Variants in SLC67A2 observed in about 807,000 individuals in gnomAD.
SLC67A2 encodes the protein solute carrier family 67 member A2.
the SLC67A2 span, among the ~76,000 whole-genome samples, chr2:102,733,442 A>G: frequency 1.3e-5 from 2 of 152,160 alleles, no homozygotes; most frequent in Non-Finnish European, 2.9e-5. Flanking sequence ...AGATACATAA[A>G]TTTCCACATA....
At chr2:102,722,979 C>T in the SLC67A2 span, among the ~76,000 whole-genome samples, 1 of 152,094 alleles carries the variant, frequency 6.6e-6, no homozygotes, top group East Asian at 1.9e-4. Flanking sequence ...CAAAAAAACA[C>T]CAAGTTTAAA....
At chr2:102,720,266 G>A in the SLC67A2 span, among the ~76,000 whole-genome samples, 1,639 of 152,134 alleles carry the variant, frequency 0.011, 33 homozygotes, top group African/African-American at 0.038. Flanking sequence ...AATTTACAAC[G>A]GAAAACCAAC....
chr2:102,736,682 G>A, the SLC67A2 span: 1 of 1,613,626 alleles, frequency 6.2e-7, no homozygotes, highest in African/African-American at 1.3e-5. Context: ...GCAGGAAGCG[G>A]CGGGCTCCGA....
the SLC67A2 span, chr2:102,723,663 A>AT: frequency 2.0e-5 from 32 of 1,583,592 alleles, no homozygotes; most frequent in African/African-American, 2.4e-4. Context: ...GGTCAGTATG[A>AT]ATACACAAAA....
At chr2:102,736,421 G>A in the SLC67A2 span, 25 of 1,250,670 alleles carry the variant, frequency 2.0e-5, 1 homozygote, top group East Asian at 4.4e-4. Flanking sequence ...GACGTTCCGC[G>A]AACGGGGTGC....
chr2:102,721,226 T>C, the SLC67A2 span, among the ~76,000 whole-genome samples: 2 of 152,244 alleles, frequency 1.3e-5, no homozygotes, highest in Non-Finnish European at 2.9e-5. Flanking sequence ...TGACTTTCAA[T>C]TTTGAGTGAT....
chr2:102,719,904 C>A, the SLC67A2 span, among the ~76,000 whole-genome samples: 1 of 152,152 alleles, frequency 6.6e-6, no homozygotes, highest in Non-Finnish European at 1.5e-5. Context: ...TTGTGCAGGT[C>A]ACACCTGCAA....
the SLC67A2 span, among the ~76,000 whole-genome samples, chr2:102,721,327 C>T: frequency 2.0e-5 from 3 of 152,116 alleles, no homozygotes; most frequent in Non-Finnish European, 4.4e-5. Context: ...TTTATGTGCA[C>T]CCCTCCTGAT....
the SLC67A2 span, among the ~76,000 whole-genome samples, chr2:102,730,404 T>A: frequency 6.6e-6 from 1 of 151,826 alleles, no homozygotes; most frequent in African/African-American, 2.4e-5. Flanking sequence ...AATCCAAATG[T>A]CCCCTTCTGT....
the SLC67A2 span, chr2:102,731,090 C>A: frequency 6.2e-7 from 1 of 1,609,038 alleles, no homozygotes; most frequent in Admixed American, 1.7e-5. Flanking sequence ...AAATCAATAA[C>A]AATAAAATCA....
the SLC67A2 span, among the ~76,000 whole-genome samples, chr2:102,722,022 C>T: frequency 1.3e-5 from 2 of 152,242 alleles, no homozygotes; most frequent in Non-Finnish European, 2.9e-5. Flanking sequence ...GTATTCTGCA[C>T]AGGGGTGATA....
the SLC67A2 span, among the ~76,000 whole-genome samples, chr2:102,726,056 G>T: frequency 6.6e-6 from 1 of 152,322 alleles, no homozygotes; most frequent in South Asian, 2.1e-4. Flanking sequence ...CGCATTCACA[G>T]GAGGTGTTTC....
the SLC67A2 span, chr2:102,736,862 G>C: frequency 1.9e-6 from 3 of 1,543,604 alleles, no homozygotes; most frequent in South Asian, 1.2e-5. Context: ...CCTACCCCGG[G>C]AGCCCAGCCC....
chr2:102,725,944 CA>C, the SLC67A2 span, among the ~76,000 whole-genome samples: 2 of 152,246 alleles, frequency 1.3e-5, no homozygotes, highest in East Asian at 3.9e-4. Context: ...AGTGCTCTGA[CA>C]GGTACAGTAA....
the SLC67A2 span, chr2:102,718,868 C>T: frequency 6.2e-7 from 1 of 1,613,974 alleles, no homozygotes; most frequent in African/African-American, 1.3e-5. Context: ...GCTGCTGTAA[C>T]TGATGAGGTA....
the SLC67A2 span, chr2:102,717,609 T>C: frequency 6.6e-6 from 1 of 152,336 alleles, no homozygotes; most frequent in East Asian, 1.9e-4. Flanking sequence ...AGGGGCCCGC[T>C]GCTCCATCAT....
At chr2:102,736,590 GT>G in the SLC67A2 span, 2 of 1,613,166 alleles carry the variant, frequency 1.2e-6, no homozygotes, top group Non-Finnish European at 1.7e-6. Flanking sequence ...AACCGCCTGG[GT>G]CCCCAGGCCC....
At chr2:102,726,624 G>GCA in the SLC67A2 span, among the ~76,000 whole-genome samples, 42 of 149,748 alleles carry the variant, frequency 2.8e-4, 1 homozygote, top group Admixed American at 1.0e-3. Flanking sequence ...GCTCGCGCAC[G>GCA]CACACACACA....
At chr2:102,715,447 T>C in the SLC67A2 span, among the ~76,000 whole-genome samples, 2 of 152,156 alleles carry the variant, frequency 1.3e-5, no homozygotes, top group Admixed American at 6.5e-5. Context: ...GGTGCAACTC[T>C]TGCAGAATTC....
Sources: gnomAD v4.1 joint callset for allele counts (sites outside exome capture counted in the v4.1 genomes callset) on GRCh38, gnomAD v4.1.1 for gene constraint, MANE v1.5 for transcripts, NCBI Gene and HGNC (gene_info 2026-07-23, HGNC 2026-07-21) for gene names.